Variants in ATP8A2 observed in about 807,000 individuals in gnomAD.
ATP8A2 encodes phospholipid-transporting ATPase IB.
A neutral mutation model predicts 165.6 loss-of-function variants in ATP8A2; 100 were observed. That is an observed-to-expected ratio of 0.60 (90% CI 0.51 to 0.71). ATP8A2 has a LOEUF of 0.71. Among genes scored for constraint, ATP8A2 ranks in the 30% least tolerant of loss-of-function variants. ATP8A2 has a pLI of 0.00. For missense variants in ATP8A2, 1,227 were observed against 1,479.5 expected, an observed-to-expected ratio of 0.83 and a Z score of 2.80; for synonymous variants, 543 against 548.8, an observed-to-expected ratio of 0.99 and a Z score of 0.15.
chr13:25,474,130 A>C (rs2035924787), intron 2 of ATP8A2, among the ~76,000 whole-genome samples: 1 of 152,212 alleles, frequency 6.6e-6, no homozygotes, highest in Non-Finnish European at 1.5e-5. Context: ...AGCTAGCAAA[A>C]ACTTCATTAC....
At chr13:25,754,685 AT>A (rs1041216055) in intron 25 of ATP8A2, among the ~76,000 whole-genome samples, 28 of 152,140 alleles carry the variant, frequency 1.8e-4, no homozygotes, top group Admixed American at 1.6e-3. Flanking sequence ...AAAAAATCCC[AT>A]TTTTAATTTA....
chr13:25,754,827 G>A (rs1433789305), intron 25 of ATP8A2, among the ~76,000 whole-genome samples: 1 of 152,112 alleles, frequency 6.6e-6, no homozygotes, highest in Admixed American at 6.5e-5. Context: ...GTCTTCTGTT[G>A]GAGTGGATGG....
intron 25 of ATP8A2, among the ~76,000 whole-genome samples, chr13:25,736,226 A>G (rs868779429): frequency 4.6e-5 from 7 of 152,166 alleles, no homozygotes; most frequent in South Asian, 2.1e-4. Flanking sequence ...CCCCTTCATT[A>G]TGTGATGCGT....
At chr13:25,557,693 T>G (rs2039021358) in intron 13 of ATP8A2, among the ~76,000 whole-genome samples, 1 of 152,192 alleles carries the variant, frequency 6.6e-6, no homozygotes, top group African/African-American at 2.4e-5. Context: ...TATAATTGTT[T>G]GCAGGTGTCA....
At chr13:25,446,462 G>T (rs2035071291) in intron 1 of ATP8A2, among the ~76,000 whole-genome samples, 1 of 152,152 alleles carries the variant, frequency 6.6e-6, no homozygotes, top group South Asian at 2.1e-4. Flanking sequence ...AATATGCTGA[G>T]TAAGTTAATT....
intron 2 of ATP8A2, among the ~76,000 whole-genome samples, chr13:25,478,370 C>G (rs771560700): frequency 6.6e-6 from 1 of 152,124 alleles, no homozygotes; most frequent in South Asian, 2.1e-4. Flanking sequence ...AGCTGAGTCA[C>G]TCAACAGACA....
intron 2 of ATP8A2, among the ~76,000 whole-genome samples, chr13:25,490,145 G>A (rs898078921): frequency 1.3e-5 from 2 of 152,212 alleles, no homozygotes; most frequent in African/African-American, 4.8e-5. Context: ...CATGTTGAAT[G>A]ATCCATTTCC....
intron 25 of ATP8A2, among the ~76,000 whole-genome samples, chr13:25,726,556 T>A (rs1180205712): frequency 2.0e-5 from 3 of 152,172 alleles, no homozygotes; most frequent in Non-Finnish European, 4.4e-5. Flanking sequence ...ATGTATCCCT[T>A]CATTCTCTGC....
intron 33 of ATP8A2, among the ~76,000 whole-genome samples, chr13:25,949,421 A>C (rs1423975512): frequency 6.6e-6 from 1 of 152,116 alleles, no homozygotes; most frequent in East Asian, 1.9e-4. Flanking sequence ...GGGGTTTGGC[A>C]ATCGTTAGGC....
intron 1 of ATP8A2, among the ~76,000 whole-genome samples, chr13:25,435,040 G>A (rs1054017760): frequency 1.3e-5 from 2 of 151,900 alleles, no homozygotes; most frequent in African/African-American, 4.8e-5. Context: ...GGCACCTTGA[G>A]TTCTTATGTG....
chr13:25,918,925 A>G (rs1203096899), intron 33 of ATP8A2, among the ~76,000 whole-genome samples: 1 of 152,228 alleles, frequency 6.6e-6, no homozygotes, highest in Admixed American at 6.5e-5. Flanking sequence ...TGGTGTTCAA[A>G]TGGGAGCTAA....
intron 6 of ATP8A2, among the ~76,000 whole-genome samples, chr13:25,537,097 C>T (rs960312355): frequency 1.3e-5 from 2 of 152,190 alleles, no homozygotes; most frequent in African/African-American, 4.8e-5. Flanking sequence ...GTAGACACTT[C>T]GCCATGGTAC....
intron 24 of ATP8A2, among the ~76,000 whole-genome samples, chr13:25,650,876 T>A (rs1233037186): frequency 6.6e-6 from 1 of 152,204 alleles, no homozygotes; most frequent in African/African-American, 2.4e-5. Flanking sequence ...TAAAATACAT[T>A]ATTTGATTTT....
At chr13:25,666,524 G>T (rs2042158663) in intron 24 of ATP8A2, among the ~76,000 whole-genome samples, 1 of 152,192 alleles carries the variant, frequency 6.6e-6, no homozygotes, top group African/African-American at 2.4e-5. Context: ...ACAGGCGTGA[G>T]TCACCACGCC....
rs1566085489 is a variant in ATP8A2, at chr13:25,372,189, C to A, written c.-24C>A. 3 of 1,417,954 alleles carry A rather than the reference C, an allele frequency of 2.1e-6. No homozygotes were observed. Among genetic ancestry groups the A allele is most frequent in the Non-Finnish European group, 1.9e-6 (2 of 1,073,850 alleles). The allele number at this position is 1,417,954 out of a possible 1,614,324, so 87.8% of individuals were successfully genotyped here. A position where few individuals can be genotyped will look rare whatever the true frequency, so the allele number is the denominator to read the frequency against. ...GTAGCCTCCGTCTCTCGCCCGGGGC[C>A]GCCGAGCCCCCGACACGGGCGAGAT... On this transcript the variant is annotated 5_prime_UTR_variant, in exon 1 of 37. Transcript: ENST00000381655. This position sits in a 1 kb window ranked among gnomAD's most constrained non-coding sequence, Gnocchi z 4.8.
chr13:25,648,977 A>AT (rs750392850), intron 24 of ATP8A2: 2 of 488,960 alleles, frequency 4.1e-6, no homozygotes, highest in East Asian at 5.7e-5. Flanking sequence ...ATTTTTCTAA[A>AT]TTTTTTGTCA....
At chr13:25,652,403 A>G (rs1391292526) in intron 24 of ATP8A2, among the ~76,000 whole-genome samples, 1 of 152,226 alleles carries the variant, frequency 6.6e-6, no homozygotes, top group Non-Finnish European at 1.5e-5. Context: ...TTCTATTAGC[A>G]GTCTTGTGCC....
intron 1 of ATP8A2, among the ~76,000 whole-genome samples, chr13:25,450,091 T>C (rs2035171660): frequency 6.6e-6 from 1 of 152,178 alleles, no homozygotes; most frequent in Admixed American, 6.5e-5. Context: ...GGTTTTCTGT[T>C]CCTGTGTTAG....
chr13:26,013,285 A>C (rs1593715857), intron 36 of ATP8A2, among the ~76,000 whole-genome samples: 2 of 148,536 alleles, frequency 1.3e-5, no homozygotes, highest in Admixed American at 6.7e-5. Context: ...CCCCCTCTCC[A>C]CCCCCATCAC....
Sources: allele counts gnomAD v4.1 joint callset (sites outside exome capture counted in the v4.1 genomes callset), GRCh38; gene constraint gnomAD v4.1.1; non-coding constraint Gnocchi (gnomAD v3.1); transcripts MANE v1.5; gene names NCBI Gene and HGNC (gene_info 2026-07-23, HGNC 2026-07-21).